The following SNX13 variants were observed in gnomAD, a reference collection of about 807,000 sequenced individuals.
The protein encoded by SNX13 is sorting nexin-13.
SNX13 carries 45 observed loss-of-function variants against 133.6 expected under a neutral mutation model. That is an observed-to-expected ratio of 0.34 (90% confidence interval 0.27 to 0.43). SNX13 has a LOEUF of 0.43. Ranked by LOEUF, SNX13 falls within the 20% of genes least tolerant of loss-of-function variation. The pLI is 1.00. For missense variants in SNX13, 1,032 were observed against 1,145.1 expected, an observed-to-expected ratio of 0.90 and a Z score of 1.43; for synonymous variants, 414 against 373.9, an observed-to-expected ratio of 1.11 and a Z score of -1.24.
Position 17,854,568 on chromosome 7 carries a change from T to C in SNX13, c.838-3604A>G, listed in dbSNP as rs765320622. On this transcript the variant is annotated intron_variant, in intron 9 of 25. Coordinates refer to ENST00000428135, the MANE Select transcript of SNX13 (RefSeq NM_015132.5). ...TGCCCATGTCATGTGCATAGTCACA[T>C]TTTAATAATTTTCAGAATATTTCAG... 3.4e-4 allele frequency among the ~76,000 whole-genome samples: 51 copies of C among 152,230 alleles called. 1 individual carries two copies. Among genetic ancestry groups the C allele is most frequent in the Non-Finnish European group, 6.5e-4 (44 of 68,028 alleles).
intron 16 of SNX13, among the ~76,000 whole-genome samples, 199 bp from the exon 17 acceptor site, chr7:17,826,290 C>CA (rs1353758757): frequency 6.6e-6 from 1 of 151,740 alleles, no homozygotes; most frequent in Non-Finnish European, 1.5e-5. Flanking sequence ...GATTAAGAAA[C>CA]AATAACAAAA....
chr7:17,856,919 G>A (rs1791977372), intron 9 of SNX13, among the ~76,000 whole-genome samples: 1 of 151,388 alleles, frequency 6.6e-6, no homozygotes. Context: ...AAATGAAATT[G>A]AGACTAAGAA....
intron 18 of SNX13, 110 bp from the exon 19 acceptor site, chr7:17,816,399 C>T (rs550419558): frequency 1.4e-4 from 176 of 1,296,346 alleles, no homozygotes; most frequent in Middle Eastern, 9.3e-4. Context: ...CGGTGGCTCA[C>T]GCCTGTAATC....
In SNX13 at chr7:17,850,435, T is replaced by C. The variant is rs1791072779; in HGVS notation, c.977A>G (p.Asp326Gly). 2 of 1,540,582 alleles carry C rather than the reference T, an allele frequency of 1.3e-6. No individual in the cohort carries two copies. The highest frequency in any genetic ancestry group is 1.8e-6 in the Non-Finnish European group (2 of 1,136,438). The change falls in exon 11 of 26, where the codon GAT becomes GGT. Residue 326 changes from aspartate (D) to glycine (G), a missense_variant and splice_region_variant. Coordinates refer to ENST00000428135, the MANE Select transcript of SNX13 (RefSeq NM_015132.5). ...TATTTGATTTTTGATAGTGTTGATATCTAAAAGCAAAGAAATCATGAACTA... is the reference window on the plus strand; with the variant it reads ...TATTTGATTTTTGATAGTGTTGATACCTAAAAGCAAAGAAATCATGAACTA... The part of the protein sequence containing the change: ...YLRSLDTAGD[D>G]INTIKNQINS...
At chr7:17,834,702 TACATA>T (rs1788935584) in intron 14 of SNX13, 54 bp downstream of exon 14, 21 of 1,148,034 alleles carry the variant, frequency 1.8e-5, no homozygotes, top group South Asian at 4.9e-5. Context: ...CTAATTACAT[TACATA>T]AAAGTATTTT....
chr7:17,869,504 G>C (rs1793796965), intron 8 of SNX13, among the ~76,000 whole-genome samples: 1 of 151,982 alleles, frequency 6.6e-6, no homozygotes, highest in African/African-American at 2.4e-5. Context: ...TATTGGGGGA[G>C]GTTAAATAAC....
chr7:17,909,257 G>C (rs892234345), intron 1 of SNX13, among the ~76,000 whole-genome samples: 1 of 152,160 alleles, frequency 6.6e-6, no homozygotes, highest in Non-Finnish European at 1.5e-5. Context: ...GTTGGTGGGA[G>C]TGTAAATTAG....
intron 11 of SNX13, among the ~76,000 whole-genome samples, chr7:17,850,007 G>A (rs1791022931): frequency 2.0e-5 from 3 of 152,114 alleles, no homozygotes; most frequent in Admixed American, 6.5e-5. Flanking sequence ...CACGAAAAGA[G>A]TCTGTCTGCT....
Position 17,834,879 on chromosome 7 carries a change from A to G in SNX13, c.1360-14T>C. 1 of 1,421,202 alleles carries G rather than the reference A, an allele frequency of 7.0e-7. No individual in the cohort carries two copies. Among genetic ancestry groups the G allele is most frequent in the African/African-American group, 1.4e-5 (1 of 70,790 alleles). The allele number at this position is 1,421,202 out of a possible 1,614,324, so 88.0% of individuals were successfully genotyped here. A position where few individuals can be genotyped will look rare whatever the true frequency, so the allele number is the denominator to read the frequency against. On this transcript the variant is annotated splice_polypyrimidine_tract_variant and intron_variant, in intron 13 of 25. Coordinates refer to ENST00000428135, the MANE Select transcript of SNX13 (RefSeq NM_015132.5). Reference sequence around the variant, plus strand: ...TCTTGGAGATGCCTAACAGAGAAAAATAATAGTAATGATCTCTGTAATTTC... The same window carrying G: ...TCTTGGAGATGCCTAACAGAGAAAAGTAATAGTAATGATCTCTGTAATTTC...
rs200877529 is a variant in SNX13 at position 17,875,508 on chromosome 7, T to C, written c.636A>G (p.Leu212=). The C allele has an allele frequency of 7.1e-5, 114 of 1,610,054 alleles. No homozygotes were observed. In the African/African-American group the frequency reaches 1.3e-3, roughly 18 times the overall value. ...CTTCATCTTTGGGGGAAGTGCACACTAGATCACGGCAAACCTCCTTCTCCA... is the reference window on the plus strand; with the variant it reads ...CTTCATCTTTGGGGGAAGTGCACACCAGATCACGGCAAACCTCCTTCTCCA... ...VEMEKEVCRD[L]VCTSPKDEEG... Residue 212 remains leucine, a synonymous_variant, in exon 7 of 26, where the codon CTA becomes CTG. Transcript: ENST00000428135.
At chr7:17,804,487 C>T (rs1244801345) in intron 20 of SNX13, among the ~76,000 whole-genome samples, 1 of 151,920 alleles carries the variant, frequency 6.6e-6, no homozygotes, top group Admixed American at 6.6e-5. Context: ...TAAATCTTAT[C>T]TTAGCAAGGT....
At chr7:17,923,677 A>AG (rs1375292952) in intron 1 of SNX13, among the ~76,000 whole-genome samples, 7 of 152,190 alleles carry the variant, frequency 4.6e-5, no homozygotes, top group Non-Finnish European at 1.0e-4. Context: ...TCACATATGC[A>AG]GGGAGAACAG....
chr7:17,882,700 A>G (rs963712971), intron 5 of SNX13: 7 of 734,986 alleles, frequency 9.5e-6, no homozygotes, highest in South Asian at 7.9e-5. Flanking sequence ...GGGAGGAAAC[A>G]TGATTGAAAA....
intron 1 of SNX13, among the ~76,000 whole-genome samples, chr7:17,906,024 G>T (rs1290721066): frequency 6.6e-6 from 1 of 151,522 alleles, no homozygotes; most frequent in Non-Finnish European, 1.5e-5. Flanking sequence ...AATAAAGAAA[G>T]AATATGATTC....
chr7:17,832,704 T>A (rs982907902), intron 15 of SNX13, among the ~76,000 whole-genome samples: 18 of 151,534 alleles, frequency 1.2e-4, no homozygotes, highest in Non-Finnish European at 1.9e-4. Context: ...TCTGTTTTTT[T>A]AAAAAATCTT....
At chr7:17,883,132 C>T (rs1004848030) in intron 5 of SNX13, among the ~76,000 whole-genome samples, 2 of 152,146 alleles carry the variant, frequency 1.3e-5, no homozygotes, top group African/African-American at 4.8e-5. Context: ...ATTTAGTGAG[C>T]TATAACACTG....
At chr7:17,820,310 G>GT (rs2128301757) in intron 18 of SNX13, among the ~76,000 whole-genome samples, 1 of 152,208 alleles carries the variant, frequency 6.6e-6, no homozygotes, top group South Asian at 2.1e-4. Flanking sequence ...TGGTTAAAGT[G>GT]TAAGGATGGG....
chr7:17,846,692 T>A (rs959448504), intron 11 of SNX13, among the ~76,000 whole-genome samples: 4 of 152,092 alleles, frequency 2.6e-5, no homozygotes, highest in Non-Finnish European at 5.9e-5. Flanking sequence ...TCCATCTCTA[T>A]AATTTGTATT....
chr7:17,863,314 G>A (rs922819729), intron 9 of SNX13, among the ~76,000 whole-genome samples: 6 of 152,162 alleles, frequency 3.9e-5, no homozygotes, highest in African/African-American at 1.4e-4. Context: ...GCGGTCAGTA[G>A]ACTTCGGGTA....
Sources: gnomAD v4.1 joint callset for allele counts (sites outside exome capture counted in the v4.1 genomes callset) on GRCh38, gnomAD v4.1.1 for gene constraint, MANE v1.5 for transcripts, NCBI Gene and HGNC (gene_info 2026-07-23, HGNC 2026-07-21) for gene names.